NOL4: variants seen among roughly 807,000 people sequenced by gnomAD.
NOL4 encodes the protein cancer/testis antigen 125.
Under a neutral mutation model 75.9 loss-of-function variants are expected in NOL4, and 17 were observed. The ratio of observed to expected loss-of-function variants is 0.22; its 90% CI spans 0.15 to 0.34. NOL4 has a LOEUF of 0.34. Among genes scored for constraint, NOL4 ranks in the 10% least tolerant of loss-of-function variants. The pLI, the probability that NOL4 is intolerant of heterozygous loss-of-function variation, is 1.00. For missense variants in NOL4, 614 were observed against 793.5 expected (o/e 0.77, Z 2.72); for synonymous variants, 292 against 289.9 (o/e 1.01, Z -0.07).
intron 9 of NOL4, among the ~76,000 whole-genome samples, chr18:33,896,017 C>A (rs1025708021): frequency 6.6e-6 from 1 of 151,870 alleles, no homozygotes; most frequent in Non-Finnish European, 1.5e-5. Context: ...ATAGCCAAAC[C>A]AAGAACCAAA....
chr18:33,897,890 C>T (rs907283687), intron 9 of NOL4, among the ~76,000 whole-genome samples: 2 of 151,722 alleles, frequency 1.3e-5, no homozygotes, highest in East Asian at 3.9e-4. Flanking sequence ...TATAATTGGG[C>T]TCCATTTATT....
At chr18:34,125,666 A>C (rs1357440272) in intron 2 of NOL4, among the ~76,000 whole-genome samples, 1 of 152,192 alleles carries the variant, frequency 6.6e-6, no homozygotes, top group Non-Finnish European at 1.5e-5. Context: ...GTTCGGAGTA[A>C]GGCTGTAGAG....
At chr18:34,144,110 A>G (rs552346535) in intron 1 of NOL4, among the ~76,000 whole-genome samples, 38 of 152,258 alleles carry the variant, frequency 2.5e-4, no homozygotes, top group African/African-American at 8.4e-4. Context: ...GAACCACCTC[A>G]AGAGTATAGA....
chr18:34,092,001 A>T (rs2078544305), intron 5 of NOL4, among the ~76,000 whole-genome samples: 1 of 152,120 alleles, frequency 6.6e-6, no homozygotes, highest in South Asian at 2.1e-4. Flanking sequence ...TAAACAATGA[A>T]TTTGCATGAT....
intron 6 of NOL4, among the ~76,000 whole-genome samples, chr18:33,982,777 T>C (rs2072076874): frequency 7.0e-6 from 1 of 143,044 alleles, no homozygotes; most frequent in South Asian, 2.2e-4. Context: ...TTAGACAGAG[T>C]TTCACTCTTG....
intron 2 of NOL4, among the ~76,000 whole-genome samples, chr18:34,125,524 A>G (rs946182857): frequency 6.6e-6 from 1 of 152,294 alleles, no homozygotes; most frequent in Non-Finnish European, 1.5e-5. Context: ...TGCAAGTTAG[A>G]ATATTCTATT....
intron 5 of NOL4, among the ~76,000 whole-genome samples, chr18:34,069,306 T>A (rs533665815): frequency 6.6e-6 from 1 of 152,284 alleles, no homozygotes. Context: ...AATGAATAAG[T>A]GGATTTAAAA....
chr18:33,856,354 T>C (rs2062836254), intron 10 of NOL4, among the ~76,000 whole-genome samples: 1 of 152,102 alleles, frequency 6.6e-6, no homozygotes, highest in African/African-American at 2.4e-5. Flanking sequence ...TATATGGAAA[T>C]ATTATTATTG....
chr18:33,971,885 G>C (rs1296360767), intron 6 of NOL4, among the ~76,000 whole-genome samples: 1 of 151,920 alleles, frequency 6.6e-6, no homozygotes, highest in African/African-American at 2.4e-5. Context: ...CTTTTTTAAG[G>C]CTGATCACAG....
At chr18:34,047,059 C>A (rs1380959341) in intron 5 of NOL4, among the ~76,000 whole-genome samples, 1 of 152,032 alleles carries the variant, frequency 6.6e-6, no homozygotes, top group Non-Finnish European at 1.5e-5. Context: ...CAAAGTATAA[C>A]CCTTCTAGTT....
chr18:33,915,905 T>C (rs1359954270), intron 9 of NOL4, among the ~76,000 whole-genome samples: 2 of 152,138 alleles, frequency 1.3e-5, no homozygotes, highest in African/African-American at 4.8e-5. Context: ...TATACATGAT[T>C]TCATTTAGTT....
intron 9 of NOL4, among the ~76,000 whole-genome samples, chr18:33,942,168 G>A (rs1458233450): frequency 6.6e-6 from 1 of 151,882 alleles, no homozygotes; most frequent in East Asian, 1.9e-4. Flanking sequence ...GCTCACTGTA[G>A]AATCAAAATT....
At chr18:33,885,898 T>C (rs2064612460) in intron 9 of NOL4, among the ~76,000 whole-genome samples, 1 of 152,142 alleles carries the variant, frequency 6.6e-6, no homozygotes, top group Non-Finnish European at 1.5e-5. Context: ...CTGTTTACAA[T>C]AGCTAAGATT....
chr18:33,920,698 G>C (rs1222893000), intron 9 of NOL4, among the ~76,000 whole-genome samples: 1 of 152,154 alleles, frequency 6.6e-6, no homozygotes, highest in African/African-American at 2.4e-5. Context: ...GATTATTCAG[G>C]AAGAATGTGT....
intron 6 of NOL4, among the ~76,000 whole-genome samples, chr18:33,974,750 A>C (rs548402019): frequency 6.6e-6 from 1 of 152,280 alleles, no homozygotes; most frequent in Admixed American, 6.5e-5. Context: ...CTCTAAACTT[A>C]AATTTGCAAA....
chr18:34,013,456 T>C (rs1277299247), intron 6 of NOL4, among the ~76,000 whole-genome samples: 1 of 151,906 alleles, frequency 6.6e-6, no homozygotes, highest in Non-Finnish European at 1.5e-5. Flanking sequence ...TCCTATACCC[T>C]TAAGTGATTC....
intron 10 of NOL4, among the ~76,000 whole-genome samples, chr18:33,860,850 T>C (rs1479836573): frequency 6.6e-6 from 1 of 152,084 alleles, no homozygotes; most frequent in African/African-American, 2.4e-5. Flanking sequence ...TGAAGAGTTG[T>C]TGAATTTTGT....
At chr18:33,946,816 T>A (rs559154591) in intron 8 of NOL4, among the ~76,000 whole-genome samples, 248 of 151,844 alleles carry the variant, frequency 1.6e-3, no homozygotes, top group African/African-American at 5.6e-3. Flanking sequence ...CACAAATTCT[T>A]AACTGATGTA....
At chr18:33,903,018 A>G (rs1416078178) in intron 9 of NOL4, among the ~76,000 whole-genome samples, 2 of 152,172 alleles carry the variant, frequency 1.3e-5, no homozygotes, top group Non-Finnish European at 2.9e-5. Flanking sequence ...TCAAAATAAA[A>G]TTTTAAAACT....
Sources: allele counts gnomAD v4.1 joint callset (sites outside exome capture counted in the v4.1 genomes callset), GRCh38; gene constraint gnomAD v4.1.1; transcripts MANE v1.5; gene names NCBI Gene and HGNC (gene_info 2026-07-23, HGNC 2026-07-21).